ARHGEF28: variants seen among roughly 807,000 people sequenced by gnomAD.
ARHGEF28 encodes the protein Rho guanine nucleotide exchange factor 28, also known as 190 kDa guanine nucleotide exchange factor.
In ARHGEF28, 152 loss-of-function variants were observed where a neutral mutation model predicts 206.6. That is an observed-to-expected ratio of 0.74 (90% CI 0.64 to 0.84). ARHGEF28 has a LOEUF of 0.84. Ranked by LOEUF, ARHGEF28 falls within the 40% of genes least tolerant of loss-of-function variation. The pLI is 0.00. For missense variants in ARHGEF28, 2,028 were observed against 2,073.2 expected (o/e 0.98, Z 0.42); for synonymous variants, 763 against 776.4 (o/e 0.98, Z 0.29).
At chr5:73,640,465 G>A (rs559749776) in intron 1 of ARHGEF28, among the ~76,000 whole-genome samples, 1 of 152,156 alleles carries the variant, frequency 6.6e-6, no homozygotes, top group Non-Finnish European at 1.5e-5. Flanking sequence ...GAGGGCAAAT[G>A]ATCATATACT....
At chr5:73,726,528 G>A (rs981417721) in intron 2 of ARHGEF28, among the ~76,000 whole-genome samples, 1 of 152,126 alleles carries the variant, frequency 6.6e-6, no homozygotes, top group African/African-American at 2.4e-5. Context: ...AAAATTGATT[G>A]GCCCACAAAT....
rs546102402 is a variant in ARHGEF28, at chr5:73,794,533, T to C, written c.963+79T>C. The C allele has an allele frequency of 4.3e-6, 5 of 1,162,228 alleles. No homozygotes were observed. In the South Asian group the frequency reaches 7.3e-5, roughly 17 times the overall value. The allele number at this position is 1,162,228 out of a possible 1,614,324, so 72.0% of individuals were successfully genotyped here. A position where few individuals can be genotyped will look rare whatever the true frequency, so the allele number is the denominator to read the frequency against. On this transcript the variant is annotated intron_variant, in intron 8 of 35. Coordinates refer to ENST00000513042, the MANE Select transcript of ARHGEF28 (RefSeq NM_001177693.2). Reference sequence around the variant, plus strand: ...TGAAGATTTAGTGGTAATAAAAATGTTTAAAAAACACTAAAAAAAGGATGT... The same window carrying C: ...TGAAGATTTAGTGGTAATAAAAATGCTTAAAAAACACTAAAAAAAGGATGT...
intron 4 of ARHGEF28, among the ~76,000 whole-genome samples, chr5:73,766,806 T>G (rs1179826734): frequency 6.6e-6 from 1 of 152,256 alleles, no homozygotes; most frequent in Non-Finnish European, 1.5e-5. Context: ...CTAATACATT[T>G]AGAGAAACTA....
At position 73,887,873 on chromosome 5, in the gene ARHGEF28, C is replaced by T. The variant is rs544246285; in HGVS notation, c.3387+194C>T. ...GGTTAAATTAGCATAGTAAGTGTTG[C>T]GTCATCACAACCAGGGCTGGTACTC... On this transcript the variant is annotated intron_variant, in intron 26 of 35. Coordinates refer to ENST00000513042, the MANE Select transcript of ARHGEF28 (RefSeq NM_001177693.2). Among the ~76,000 whole-genome samples the T allele has an allele frequency of 8.0e-4, 122 of 152,270 alleles. 2 individuals are homozygous for T. The South Asian group carries it at 0.02, about 25-fold the overall frequency.
chr5:73,698,876 G>C (rs548581879), intron 2 of ARHGEF28, among the ~76,000 whole-genome samples: 1 of 151,714 alleles, frequency 6.6e-6, no homozygotes, highest in South Asian at 2.1e-4. Context: ...GCCTGCACTG[G>C]TTGGCACCGG....
rs140235518 is a variant in ARHGEF28, at chr5:73,791,505, G to A, written c.911-2897G>A. Among the ~76,000 whole-genome samples the A allele has an allele frequency of 1.1e-3, 174 of 152,282 alleles. 1 individual carries two copies. The highest frequency in any genetic ancestry group is 3.5e-3 in the African/African-American group (146 of 41,550). ...TGGTGGTCTGGCTGCGTCTGACCAC[G>A]ATTCTTCTGCCACATCCAAATGGTG... On this transcript the variant is annotated intron_variant, in intron 7 of 35. Coordinates refer to ENST00000513042, the MANE Select transcript of ARHGEF28 (RefSeq NM_001177693.2).
At chr5:73,729,785 T>C (rs1750497497) in intron 2 of ARHGEF28, among the ~76,000 whole-genome samples, 1 of 152,186 alleles carries the variant, frequency 6.6e-6, no homozygotes, top group African/African-American at 2.4e-5. Context: ...TGTTAGAGAG[T>C]AGAACTTCAC....
Position 73,804,757 on chromosome 5 carries a change from G to A in ARHGEF28, c.1024+9366G>A, listed in dbSNP as rs560661365. On this transcript the variant is annotated intron_variant, in intron 9 of 35. Transcript: ENST00000513042. ...TGGGTTTTGGGAAGAAGACCCAAAG[G>A]TAAAGTGCTGTTTTCATCACACCAT... Among the ~76,000 whole-genome samples, 12 of 152,118 alleles carry A rather than the reference G, an allele frequency of 7.9e-5. No individual in the cohort carries two copies. In the East Asian group the frequency reaches 2.3e-3, roughly 29 times the overall value.
At chr5:73,671,778 C>T (rs55792094) in intron 1 of ARHGEF28, among the ~76,000 whole-genome samples, 18,645 of 55,414 alleles carry the variant, frequency 0.34, 4,645 homozygotes, top group East Asian at 0.8. Context: ...TTTTTTGAGA[C>T]GGAATCTCGC....
chr5:73,642,991 A>G (rs2112144380), intron 1 of ARHGEF28, among the ~76,000 whole-genome samples: 2 of 152,352 alleles, frequency 1.3e-5, no homozygotes, highest in Middle Eastern at 6.8e-3. Context: ...TGTCCATGAC[A>G]GCTCCCAGTT....
intron 9 of ARHGEF28, among the ~76,000 whole-genome samples, chr5:73,830,939 A>C (rs967585583): frequency 1.3e-5 from 2 of 152,178 alleles, no homozygotes; most frequent in Non-Finnish European, 2.9e-5. Context: ...GTACCTATTC[A>C]AGAAAATTTA....
At chr5:73,702,479 A>G (rs370415697) in intron 2 of ARHGEF28, among the ~76,000 whole-genome samples, 26 of 152,246 alleles carry the variant, frequency 1.7e-4, no homozygotes, top group African/African-American at 4.3e-4. Context: ...CTTTGCCTCT[A>G]TGAATTTTAT....
chr5:73,829,562 A>G (rs1288139463), intron 9 of ARHGEF28, among the ~76,000 whole-genome samples: 1 of 152,010 alleles, frequency 6.6e-6, no homozygotes, highest in African/African-American at 2.4e-5. Flanking sequence ...TATAATTTTT[A>G]GTAGAGACAG....
intron 2 of ARHGEF28, among the ~76,000 whole-genome samples, chr5:73,737,501 T>TCTTTTCTTTTCTTTTCTTTG (rs1751051100): frequency 8.5e-6 from 1 of 117,346 alleles, no homozygotes; most frequent in South Asian, 2.6e-4. Flanking sequence ...TCTTTTCTTT[T>TCTTTTCTTTTCTTTTCTTTG]CTTTTCTTTT....
chr5:73,899,533 G>T (rs989675465), intron 30 of ARHGEF28: 2 of 152,392 alleles, frequency 1.3e-5, no homozygotes, highest in African/African-American at 4.8e-5. Flanking sequence ...AAGCTGGCTG[G>T]TGGGGTCCTG....
intron 4 of ARHGEF28, among the ~76,000 whole-genome samples, chr5:73,757,300 T>G (rs1752367920): frequency 1.3e-5 from 2 of 152,248 alleles, no homozygotes; most frequent in South Asian, 4.1e-4. Flanking sequence ...TAGTAATTTT[T>G]CTTCCAGTAC....
At chr5:73,637,999 T>A (rs1040863701) in intron 1 of ARHGEF28, among the ~76,000 whole-genome samples, 5 of 152,214 alleles carry the variant, frequency 3.3e-5, no homozygotes, top group Non-Finnish European at 7.3e-5. Context: ...TCTGCTCCAG[T>A]GATGTTATAG....
chr5:73,736,368 G>T (rs551871392), intron 2 of ARHGEF28, among the ~76,000 whole-genome samples: 3 of 152,272 alleles, frequency 2.0e-5, no homozygotes, highest in Non-Finnish European at 4.4e-5. Flanking sequence ...TTTGACTCCT[G>T]CTTCTTCCTG....
At position 73,911,411 on chromosome 5, in the gene ARHGEF28, C is replaced by G. The variant is rs755107480; in HGVS notation, c.4784C>G (p.Thr1595Arg). The change falls in exon 35 of 36, where the codon ACA (threonine) becomes AGA (arginine). Residue 1595 changes from threonine to arginine, a missense_variant. Around this residue, in one of 3 missense-constraint regions of ARHGEF28, gnomAD observed 803 missense variants for 768.0 expected, o/e 1.05. Transcript: ENST00000513042. ...SVIHQDATYPTTQSHSDLVRT... is the reference protein window; with the variant it reads ...SVIHQDATYPRTQSHSDLVRT... ...ATCCATCAGGATGCCACTTACCCTACAACTCAATCTCATTCTGACTTGGTG... is the reference window on the plus strand; with the variant it reads ...ATCCATCAGGATGCCACTTACCCTAGAACTCAATCTCATTCTGACTTGGTG... 9 of 1,614,018 alleles carry G rather than the reference C, an allele frequency of 5.6e-6. No homozygotes were observed. The East Asian group carries it at 2.0e-4, about 36-fold the overall frequency.
Sources: allele counts gnomAD v4.1 joint callset (sites outside exome capture counted in the v4.1 genomes callset), GRCh38; gene constraint gnomAD v4.1.1; regional missense constraint gnomAD v4.1.1; transcripts MANE v1.5; gene names NCBI Gene and HGNC (gene_info 2026-07-23, HGNC 2026-07-21).